Variants in CD59 observed in about 807,000 individuals in gnomAD.
The protein encoded by CD59 is CD59 molecule (CD59 blood group), also known as CD59 glycoprotein.
A neutral mutation model predicts 7.0 loss-of-function variants in CD59; 3 were observed. The observed-to-expected ratio is 0.43, with a 90% CI of 0.19 to 1.10. The LOEUF is 1.10. CD59 is among the 50% of genes least tolerant of loss of function. The probability of loss-of-function intolerance (pLI) is 0.29; values close to 1 mark genes in which losing one functional copy is unlikely to be tolerated. For synonymous variants in CD59, 60 were observed against 62.0 expected (o/e 0.97, Z 0.15); for missense variants, 143 against 151.0 (o/e 0.95, Z 0.28).
At chr11:33,726,540 A>G (rs781261470) in intron 1 of CD59, among the ~76,000 whole-genome samples, 16 of 152,238 alleles carry the variant, frequency 1.1e-4, no homozygotes, top group Non-Finnish European at 1.9e-4. Flanking sequence ...GTGTAGAGGG[A>G]AATTTATAGC....
At chr11:33,722,789 A>T (rs1854131659) in intron 1 of CD59, 1 of 1,005,392 alleles carries the variant, frequency 9.9e-7, no homozygotes, top group Admixed American at 3.7e-5. Flanking sequence ...GCCCCACCCC[A>T]AGCTGCTGGC....
chr11:33,710,280 C>T lies in CD59; in HGVS notation c.233G>A (p.Arg78His), dbSNP rs546769632. Residue 78 changes from arginine to histidine, a missense_variant, in exon 4 of 4, where the codon CGC becomes CAC. Arg to His is a conservative substitution (Grantham distance 29). Coordinates refer to ENST00000642928, the MANE Select transcript of CD59 (RefSeq NM_000611.6). The stretch of plus-strand genomic sequence containing the variant: ...GTACGTTAGCTCATTTTCCCTCAAG[C>T]GGGTTGTGACGTCGTTGAAATTGCA... The part of the protein sequence containing the change: ...EHCNFNDVTT[R>H]LRENELTYYC... 10 of 1,614,152 alleles carry T rather than the reference C, an allele frequency of 6.2e-6. No homozygotes were observed. The East Asian group carries it at 6.7e-5, about 11-fold the overall frequency.
chr11:33,703,874 A>C lies in CD59; in HGVS notation c.*6252T>G, dbSNP rs1265102944. ...GCATTCTTCACTCTCTATTTAACCG[A>C]GGCTGACTCATTGCAGTTGGCACTA... On this transcript the variant is annotated 3_prime_UTR_variant, in exon 4 of 4. Transcript: ENST00000642928. 6.6e-6 allele frequency: 1 copy of C among 152,206 alleles called. No individual in the cohort carries two copies. Among genetic ancestry groups the C allele is most frequent in the African/African-American group, 2.4e-5 (1 of 41,430 alleles). The allele number at this position is 152,206 out of a possible 1,614,324, so 9.4% of individuals were successfully genotyped here.
Position 33,722,954 on chromosome 11 carries a change from G to C in CD59, c.-18-491C>G. Reference sequence around the variant, plus strand: ...GCTCCTCACTGTAAGAAGTATAATGGGGACACTTGCTTGCTCTCTTTGGGG... The same window carrying C: ...GCTCCTCACTGTAAGAAGTATAATGCGGACACTTGCTTGCTCTCTTTGGGG... On this transcript the variant is annotated intron_variant, in intron 1 of 3. Transcript: ENST00000642928. 5 of 1,059,998 alleles carry C rather than the reference G, an allele frequency of 4.7e-6. No individual in the cohort carries two copies. In the South Asian group the frequency reaches 1.3e-4, roughly 28 times the overall value. 65.7% of individuals were successfully genotyped at this position (1,059,998 alleles called of 1,614,324 possible). A position where few individuals can be genotyped will look rare whatever the true frequency, so the allele number is the denominator to read the frequency against.
At chr11:33,712,721 T>C (rs547401202) in intron 3 of CD59, among the ~76,000 whole-genome samples, 72 of 152,334 alleles carry the variant, frequency 4.7e-4, no homozygotes, top group African/African-American at 1.6e-3. Context: ...TCATACAACC[T>C]TGTAAATATA....
rs1009080059 is a variant in CD59, at chr11:33,705,372, C to G, written c.*4754G>C. 6.6e-6 allele frequency: 1 copy of G among 152,326 alleles called. No homozygotes were observed. Among genetic ancestry groups the G allele is most frequent in the Non-Finnish European group, 1.5e-5 (1 of 68,138 alleles). The allele number at this position is 152,326 out of a possible 1,614,324, so 9.4% of individuals were successfully genotyped here. A position where few individuals can be genotyped will look rare whatever the true frequency, so the allele number is the denominator to read the frequency against. The stretch of plus-strand genomic sequence containing the variant: ...AACTAGGTTTAGAAGGTGCAGAGAC[C>G]AGGGCAACTTCAGGGATCCAGGTAG... On this transcript the variant is annotated 3_prime_UTR_variant, in exon 4 of 4. Coordinates refer to ENST00000642928, the MANE Select transcript of CD59 (RefSeq NM_000611.6).
rs963176334 is a variant in CD59 at position 33,727,810 on chromosome 11, A to T, written c.-18-5347T>A. Among the ~76,000 whole-genome samples the T allele has an allele frequency of 3.3e-5, 5 of 152,258 alleles. No individual in the cohort carries two copies. The South Asian group carries it at 1.0e-3, about 31-fold the overall frequency. On this transcript the variant is annotated intron_variant, in intron 1 of 3. Transcript: ENST00000642928. ...CAAAATCTCCTTCAGCTGATAAGCA[A>T]CTTCAGCAAAGTCTCAGGATACAAA...
chr11:33,703,444 T>G lies in CD59; in HGVS notation c.*6682A>C, dbSNP rs895443071. 2.0e-5 allele frequency: 3 copies of G among 152,234 alleles called. No homozygotes were observed. Among genetic ancestry groups the G allele is most frequent in the African/African-American group, 7.2e-5 (3 of 41,460 alleles). The allele number at this position is 152,234 out of a possible 1,614,324, so 9.4% of individuals were successfully genotyped here. A position where few individuals can be genotyped will look rare whatever the true frequency, so the allele number is the denominator to read the frequency against. ...TTTCCCTCCCTGGGCTCCAAAGCACTATGTCACCTACCTCTCCACTCAAAT... is the reference window on the plus strand; with the variant it reads ...TTTCCCTCCCTGGGCTCCAAAGCACGATGTCACCTACCTCTCCACTCAAAT... On this transcript the variant is annotated 3_prime_UTR_variant, in exon 4 of 4. Coordinates refer to ENST00000642928, the MANE Select transcript of CD59 (RefSeq NM_000611.6).
intron 1 of CD59, among the ~76,000 whole-genome samples, chr11:33,724,479 T>C (rs1042540823): frequency 6.6e-6 from 1 of 152,242 alleles, no homozygotes; most frequent in Admixed American, 6.5e-5. Flanking sequence ...ACGCTTTGGC[T>C]AGTAAGCATG....
chr11:33,719,907 A>G (rs1456293400), intron 2 of CD59, among the ~76,000 whole-genome samples: 3 of 152,246 alleles, frequency 2.0e-5, no homozygotes, highest in African/African-American at 7.2e-5. Context: ...TGTGCCAGAC[A>G]TGTATTCACA....
intron 3 of CD59, 62 bp downstream of exon 3, chr11:33,717,308 A>G (rs1231835277): frequency 3.8e-6 from 4 of 1,058,638 alleles, no homozygotes; most frequent in East Asian, 4.9e-5. Context: ...CAGTGGCACA[A>G]TTTTTTTCCC....
chr11:33,722,658 T>C (rs1854124375), intron 1 of CD59, 195 bp from the exon 2 acceptor site: 2 of 1,421,480 alleles, frequency 1.4e-6, no homozygotes, highest in Non-Finnish European at 1.9e-6. Context: ...TCAGTCCCTA[T>C]AAGCCCCAGT....
At position 33,709,089 on chromosome 11, in the gene CD59, G is replaced by C. The variant is rs1853432578; in HGVS notation, c.*1037C>G. On this transcript the variant is annotated 3_prime_UTR_variant, in exon 4 of 4. Coordinates refer to ENST00000642928, the MANE Select transcript of CD59 (RefSeq NM_000611.6). ...TCATTTTTTAGAAGAGCTTCTGAAA[G>C]CCTCAAACATCTGTGAGTGTGCTAA... 1 of 152,216 alleles carries C rather than the reference G, an allele frequency of 6.6e-6. No homozygotes were observed. Among genetic ancestry groups the C allele is most frequent in the Admixed American group, 6.5e-5 (1 of 15,286 alleles). The allele number at this position is 152,216 out of a possible 1,614,324, so 9.4% of individuals were successfully genotyped here.
At chr11:33,725,942 A>G (rs896408173) in intron 1 of CD59, among the ~76,000 whole-genome samples, 17 of 152,228 alleles carry the variant, frequency 1.1e-4, no homozygotes, top group Non-Finnish European at 2.2e-4. Flanking sequence ...GAAGGGCATT[A>G]CATAATGGTA....
In CD59 at chr11:33,710,138, G is replaced by A; in HGVS notation, c.375C>T (p.Ser125=). 1.2e-6 allele frequency: 2 copies of A among 1,612,554 alleles called. No homozygotes were observed. Among genetic ancestry groups the A allele is most frequent in the Non-Finnish European group, 1.7e-6 (2 of 1,179,108 alleles). The change falls in exon 4 of 4, where the codon AGC becomes AGT. Residue 125 remains serine (S), a synonymous_variant. Transcript: ENST00000642928. ...TCCTGGTGTTGACTTAGGGATGAAG[G>A]CTCCAGGCTGCTGCCAGAAATGGAG... is the stretch of plus-strand genomic sequence containing the variant. ...LVTPFLAAAW[S]LHP is the part of the protein sequence containing the mutation.
intron 2 of CD59, chr11:33,719,355 C>G (rs1055545059): frequency 1.3e-5 from 2 of 152,224 alleles, no homozygotes; most frequent in Non-Finnish European, 2.9e-5. Flanking sequence ...GGTGTGGCGG[C>G]TCACACCTAC....
At chr11:33,734,704 A>C (rs1413676026) in intron 1 of CD59, among the ~76,000 whole-genome samples, 1 of 152,218 alleles carries the variant, frequency 6.6e-6, no homozygotes, top group Non-Finnish European at 1.5e-5. Flanking sequence ...TGCAAAACCA[A>C]GGTTTAGTGA....
chr11:33,715,339 C>T (rs561415819), intron 3 of CD59, among the ~76,000 whole-genome samples: 1 of 152,192 alleles, frequency 6.6e-6, no homozygotes, highest in African/African-American at 2.4e-5. Flanking sequence ...GTAGCTCACG[C>T]CTGTAATCCC....
At chr11:33,712,500 CATTA>C (rs1853603399) in intron 3 of CD59, among the ~76,000 whole-genome samples, 1 of 152,174 alleles carries the variant, frequency 6.6e-6, no homozygotes, top group Non-Finnish European at 1.5e-5. Flanking sequence ...ACCTTGGAAA[CATTA>C]TGTTTAGTGA....
Sources: gnomAD v4.1 joint callset for allele counts (sites outside exome capture counted in the v4.1 genomes callset) on GRCh38, gnomAD v4.1.1 for gene constraint, MANE v1.5 for transcripts, NCBI Gene and HGNC (gene_info 2026-07-23, HGNC 2026-07-21) for gene names.